COL4A6: variants seen among roughly 807,000 people sequenced by gnomAD.
COL4A6 encodes collagen type IV alpha 6 chain.
Under a neutral mutation model 126.7 loss-of-function variants are expected in COL4A6, and 59 were observed. The ratio of observed to expected loss-of-function variants is 0.47; its 90% CI spans 0.38 to 0.58. The LOEUF is 0.58. COL4A6 is among the 20% of genes least tolerant of loss of function. The probability of loss-of-function intolerance (pLI) is 0.00; values close to 1 mark genes in which losing one functional copy is unlikely to be tolerated. For synonymous variants in COL4A6, 547 were observed against 496.6 expected, an observed-to-expected ratio of 1.10 and a Z score of -1.35; for missense variants, 1,285 against 1,337.3, an observed-to-expected ratio of 0.96 and a Z score of 0.61.
Position 108,188,006 on chromosome X carries a change from G to A in COL4A6, c.1609C>T (p.Pro537Ser). The A allele has an allele frequency of 6.7e-6, 8 of 1,196,385 alleles. No homozygotes were observed. The highest frequency in any genetic ancestry group is 9.0e-6 in the Non-Finnish European group (8 of 884,807). Residue 537 changes from proline to serine, a missense_variant, in exon 22 of 45, where the codon CCT becomes TCT. Coordinates refer to ENST00000334504, the MANE Select transcript of COL4A6 (RefSeq NM_033641.4). ...GAPGLVGPLGPSGPKGKKGEP... is the reference protein window; with the variant it reads ...GAPGLVGPLGSSGPKGKKGEP... ...CCCTTCTTTCCTTTGGGTCCTGAAG[G>A]ACCCAGAGGCCCAACTAAGCCCTGA...
intron 2 of COL4A6, among the ~76,000 whole-genome samples, chrX:108,421,707 AT>A (rs1193637808): frequency 8.1e-5 from 9 of 111,728 alleles, no homozygotes; most frequent in Non-Finnish European, 1.7e-4. Context: ...CACACATCAA[AT>A]TCTACATACA....
chrX:108,165,039 C>CT lies in COL4A6; in HGVS notation c.3809-2dup. ...GGGGGTCCAGCGGGGCCTGGGCGGCCTAGGGATAAGATCGGAAGAGGGGCG... is the reference window on the plus strand; with the variant it reads ...GGGGGTCCAGCGGGGCCTGGGCGGCCTTAGGGATAAGATCGGAAGAGGGGCG... On this transcript the variant is annotated splice_acceptor_variant, in intron 38 of 44. Coordinates refer to ENST00000334504, the MANE Select transcript of COL4A6 (RefSeq NM_033641.4). LOFTEE classifies it high-confidence loss of function. The CT allele has an allele frequency of 1.7e-6, 2 of 1,204,525 alleles. No individual in the cohort carries two copies. The highest frequency in any genetic ancestry group is 1.1e-6 in the Non-Finnish European group (1 of 893,258).
intron 2 of COL4A6, among the ~76,000 whole-genome samples, chrX:108,393,352 C>T (rs2040880223): frequency 8.9e-6 from 1 of 112,088 alleles, no homozygotes; most frequent in Non-Finnish European, 1.9e-5. Flanking sequence ...ACACTAAGAA[C>T]ATTATACTAA....
At chrX:108,333,201 A>C (rs991396130) in intron 2 of COL4A6, among the ~76,000 whole-genome samples, 2 of 111,468 alleles carry the variant, frequency 1.8e-5, no homozygotes, top group Admixed American at 9.6e-5. Context: ...CTATTTTTAT[A>C]CTAGAACTAT....
intron 2 of COL4A6, among the ~76,000 whole-genome samples, chrX:108,365,280 A>C (rs781362317): frequency 8.9e-6 from 1 of 112,223 alleles, no homozygotes; most frequent in Non-Finnish European, 1.9e-5. Flanking sequence ...TGTCTCAGCT[A>C]TCCTCAAATT....
chrX:108,393,663 C>G (rs1166846270), intron 2 of COL4A6, among the ~76,000 whole-genome samples: 1 of 112,461 alleles, frequency 8.9e-6, no homozygotes, highest in Non-Finnish European at 1.9e-5. Flanking sequence ...CTCAATAAAG[C>G]TGTCACCAAA....
At chrX:108,327,934 G>A (rs1288635368) in intron 2 of COL4A6, among the ~76,000 whole-genome samples, 1 of 111,127 alleles carries the variant, frequency 9.0e-6, no homozygotes, top group African/African-American at 3.3e-5. Flanking sequence ...TGCATTCAAT[G>A]AAATTTGTAA....
intron 2 of COL4A6, among the ~76,000 whole-genome samples, chrX:108,376,584 A>G (rs1262293616): frequency 8.9e-6 from 1 of 112,122 alleles, no homozygotes; most frequent in South Asian, 3.7e-4. Context: ...AGCCTGGGCA[A>G]CAGGAGTGAA....
intron 2 of COL4A6, among the ~76,000 whole-genome samples, chrX:108,333,065 G>C (rs2039345141): frequency 9.0e-6 from 1 of 110,629 alleles, no homozygotes; most frequent in South Asian, 3.8e-4. Flanking sequence ...AATTTTTCCA[G>C]CCTTATTTAT....
intron 2 of COL4A6, among the ~76,000 whole-genome samples, chrX:108,375,758 G>A (rs1336685350): frequency 2.9e-5 from 3 of 104,763 alleles, no homozygotes; most frequent in Non-Finnish European, 3.9e-5. Context: ...AATAATCTCC[G>A]TTTTGATAAA....
chrX:108,310,071 A>G lies in COL4A6; in HGVS notation c.144+677T>C, dbSNP rs5973862. ...GTTATAATAAAAATGCATTTATTTC[A>G]GTGAAAATCATAGATACAAATATCT... On this transcript the variant is annotated intron_variant, in intron 3 of 44. Coordinates refer to ENST00000334504, the MANE Select transcript of COL4A6 (RefSeq NM_033641.4). Among the ~76,000 whole-genome samples, 442 of 111,098 alleles carry G rather than the reference A, an allele frequency of 4.0e-3. 3 individuals carry two copies. The highest frequency in any genetic ancestry group is 0.013 in the African/African-American group (394 of 30,558).
chrX:108,187,811 A>C (rs981188462), intron 22 of COL4A6, 37 bp downstream of exon 22: 1 of 1,149,230 alleles, frequency 8.7e-7, no homozygotes, highest in African/African-American at 1.8e-5. Flanking sequence ...AGGTGTGAAG[A>C]TCTGTAGAGC....
Position 108,156,850 on chromosome X carries a change from G to A in COL4A6, c.*150C>T. The A allele has an allele frequency of 7.0e-6, 4 of 571,935 alleles. No homozygotes were observed. The highest frequency in any genetic ancestry group is 4.5e-5 in the African/African-American group (2 of 44,089). The allele number at this position is 571,935 out of a possible 1,213,427, so 47.1% of individuals were successfully genotyped here. A position where few individuals can be genotyped will look rare whatever the true frequency, so the allele number is the denominator to read the frequency against. The stretch of plus-strand genomic sequence containing the variant: ...CTATGGACCCGAGGGCTGGGGTGAC[G>A]AGTGTCCGGTAGTCTAGCCCAAATG... On this transcript the variant is annotated 3_prime_UTR_variant, in exon 45 of 45. Coordinates refer to ENST00000334504, the MANE Select transcript of COL4A6 (RefSeq NM_033641.4).
intron 2 of COL4A6, among the ~76,000 whole-genome samples, chrX:108,350,992 A>G (rs2039826268): frequency 9.0e-6 from 1 of 111,295 alleles, no homozygotes; most frequent in African/African-American, 3.3e-5. Flanking sequence ...CTGGGCAAGG[A>G]CAGTCAATCC....
chrX:108,180,749 T>A (rs757189511), intron 24 of COL4A6, 127 bp from the exon 25 acceptor site: 1 of 783,025 alleles, frequency 1.3e-6, no homozygotes, highest in African/African-American at 2.1e-5. Flanking sequence ...CACACTGCCC[T>A]CTCCAGCAGC....
chrX:108,263,452 C>T (rs181207063), intron 3 of COL4A6, among the ~76,000 whole-genome samples: 159 of 111,844 alleles, frequency 1.4e-3, no homozygotes, highest in Admixed American at 2.1e-3. Flanking sequence ...AGCTTAGGAC[C>T]GTGGTTCCCA....
intron 3 of COL4A6, among the ~76,000 whole-genome samples, chrX:108,241,570 TA>T (rs2036574239): frequency 9.6e-6 from 1 of 104,295 alleles, no homozygotes; most frequent in African/African-American, 3.4e-5. Context: ...TATATATATA[TA>T]TAGCCCTGAA....
chrX:108,424,940 A>G (rs1275902532), intron 2 of COL4A6, among the ~76,000 whole-genome samples: 1 of 110,578 alleles, frequency 9.0e-6, no homozygotes, highest in Non-Finnish European at 1.9e-5. Flanking sequence ...TGAGCTGGGG[A>G]GGTTGAGGTT....
At chrX:108,308,317 G>T (rs1432441136) in intron 3 of COL4A6, among the ~76,000 whole-genome samples, 1 of 111,571 alleles carries the variant, frequency 9.0e-6, no homozygotes, top group Non-Finnish European at 1.9e-5. Context: ...CCTCCGATCA[G>T]ATATATAAGA....
Sources: allele counts gnomAD v4.1 joint callset (sites outside exome capture counted in the v4.1 genomes callset), GRCh38; gene constraint gnomAD v4.1.1; transcripts MANE v1.5; gene names NCBI Gene and HGNC (gene_info 2026-07-23, HGNC 2026-07-21).